The following EPHA5 variants were observed in gnomAD, a reference collection of about 807,000 sequenced individuals.
The protein encoded by EPHA5 is ephrin type-A receptor 5.
In EPHA5, 60 loss-of-function variants were observed where a neutral mutation model predicts 105.0. The observed-to-expected ratio is 0.57, with a 90% confidence interval of 0.46 to 0.71. The LOEUF is 0.71. EPHA5 is among the 30% of genes least tolerant of loss of function. The pLI is 0.00. For missense variants in EPHA5, 1,218 were observed against 1,274.7 expected, an observed-to-expected ratio of 0.96 and a Z score of 0.68; for synonymous variants, 513 against 449.1, an observed-to-expected ratio of 1.14 and a Z score of -1.80.
intron 8 of EPHA5, among the ~76,000 whole-genome samples, chr4:65,397,902 G>C (rs535866490): frequency 2.0e-5 from 3 of 152,258 alleles, no homozygotes; most frequent in African/African-American, 7.2e-5. Context: ...TCAGAGGGGG[G>C]ACTGATGGCA....
chr4:65,445,929 T>G (rs1726476166), intron 5 of EPHA5, among the ~76,000 whole-genome samples: 1 of 152,124 alleles, frequency 6.6e-6, no homozygotes. Context: ...AATTGAACAT[T>G]CAAAATATAC....
chr4:65,589,029 C>A (rs1742385488), intron 3 of EPHA5, among the ~76,000 whole-genome samples: 1 of 152,130 alleles, frequency 6.6e-6, no homozygotes, highest in East Asian at 1.9e-4. Context: ...AAGTGCTAAG[C>A]TTTATGAGCC....
intron 5 of EPHA5, among the ~76,000 whole-genome samples, chr4:65,484,900 G>A (rs1262749044): frequency 6.6e-6 from 1 of 151,966 alleles, no homozygotes; most frequent in African/African-American, 2.4e-5. Flanking sequence ...GTCTCTATCT[G>A]TATAGATAGA....
intron 7 of EPHA5, among the ~76,000 whole-genome samples, chr4:65,408,022 C>T (rs918090641): frequency 3.3e-5 from 5 of 152,116 alleles, no homozygotes; most frequent in Non-Finnish European, 7.3e-5. Context: ...ACCATAACCT[C>T]AGGTTTTAAT....
intron 7 of EPHA5, among the ~76,000 whole-genome samples, chr4:65,411,742 A>C (rs535487258): frequency 5.0e-4 from 76 of 152,328 alleles, no homozygotes; most frequent in African/African-American, 1.8e-3. Context: ...ATACTACAAA[A>C]ATACAATACA....
intron 5 of EPHA5, among the ~76,000 whole-genome samples, chr4:65,476,743 T>G (rs1729861272): frequency 6.6e-6 from 1 of 152,068 alleles, no homozygotes; most frequent in African/African-American, 2.4e-5. Context: ...AAATATAGTG[T>G]CTAAAGAAGA....
At chr4:65,469,928 A>C (rs529257362) in intron 5 of EPHA5, among the ~76,000 whole-genome samples, 2 of 152,278 alleles carry the variant, frequency 1.3e-5, no homozygotes, top group Middle Eastern at 6.8e-3. Flanking sequence ...ATAAAATAAA[A>C]GTTCATAGCC....
chr4:65,557,928 A>C lies in EPHA5; in HGVS notation c.910+43713T>G, dbSNP rs889059374. ...AGTCTAGCTCTGTCACCCAGGCTGGAGTGCAGTGATCTCAGCTCACTGCAA... is the reference window on the plus strand; with the variant it reads ...AGTCTAGCTCTGTCACCCAGGCTGGCGTGCAGTGATCTCAGCTCACTGCAA... On this transcript the variant is annotated intron_variant, in intron 3 of 16. Coordinates refer to ENST00000613740, the MANE Select transcript of EPHA5 (RefSeq NM_001281766.3). Among the ~76,000 whole-genome samples, 7 of 151,648 alleles carry C rather than the reference A, an allele frequency of 4.6e-5. No individual in the cohort carries two copies. In the East Asian group the frequency reaches 9.8e-4, roughly 21 times the overall value.
intron 8 of EPHA5, among the ~76,000 whole-genome samples, chr4:65,401,526 A>C (rs999435533): frequency 5.9e-5 from 9 of 152,132 alleles, no homozygotes; most frequent in African/African-American, 2.2e-4. Flanking sequence ...AAGTAATTAA[A>C]ATTTAATGCA....
chr4:65,650,856 A>G (rs1395299916), intron 1 of EPHA5, among the ~76,000 whole-genome samples: 114 of 152,260 alleles, frequency 7.5e-4, no homozygotes, highest in Non-Finnish European at 3.1e-4. Context: ...TAAACCACCA[A>G]TATAATCATG....
At chr4:65,605,060 C>T (rs1212173257) in intron 2 of EPHA5, among the ~76,000 whole-genome samples, 1 of 152,180 alleles carries the variant, frequency 6.6e-6, no homozygotes, top group African/African-American at 2.4e-5. Flanking sequence ...TGAGCCCATG[C>T]TTTCCTGTAC....
At chr4:65,356,587 T>C (rs1473351220) in intron 11 of EPHA5, among the ~76,000 whole-genome samples, 1 of 151,412 alleles carries the variant, frequency 6.6e-6, no homozygotes, top group Non-Finnish European at 1.5e-5. Context: ...ACAGTGTAGG[T>C]TGTGATGTGA....
chr4:65,563,363 T>C (rs969108814), intron 3 of EPHA5, among the ~76,000 whole-genome samples: 1 of 152,032 alleles, frequency 6.6e-6, no homozygotes, highest in South Asian at 2.1e-4. Context: ...AAGTAAAGCA[T>C]TCGAAATTAT....
chr4:65,599,510 A>C (rs1354071923), intron 3 of EPHA5, among the ~76,000 whole-genome samples: 1 of 152,142 alleles, frequency 6.6e-6, no homozygotes, highest in Non-Finnish European at 1.5e-5. Flanking sequence ...TTGTGTGTAG[A>C]ATAAATACTT....
Position 65,323,726 on chromosome 4 carries a change from A to G in EPHA5, c.*388T>C, listed in dbSNP as rs565108924. The G allele has an allele frequency of 5.2e-5, 12 of 231,576 alleles. No individual in the cohort carries two copies. The highest frequency in any genetic ancestry group is 2.6e-3 in the Middle Eastern group (2 of 776). The allele number at this position is 231,576 out of a possible 1,614,324, so 14.3% of individuals were successfully genotyped here. On this transcript the variant is annotated 3_prime_UTR_variant, in exon 17 of 17. Transcript: ENST00000613740. ...AGCTTTTGTTAGCTCACAAATGGCT[A>G]TAAAACATTTCCTTTCAAGTAGATC...
intron 14 of EPHA5, among the ~76,000 whole-genome samples, chr4:65,346,702 G>C (rs1333156615): frequency 1.3e-5 from 2 of 152,066 alleles, no homozygotes; most frequent in African/African-American, 4.8e-5. Context: ...AACATGCAGA[G>C]TGGGAGAAAA....
chr4:65,447,413 A>G (rs556913284), intron 5 of EPHA5, among the ~76,000 whole-genome samples: 8 of 151,802 alleles, frequency 5.3e-5, no homozygotes, highest in African/African-American at 1.9e-4. Flanking sequence ...CTACTCTGAA[A>G]AGAGGATTTG....
chr4:65,333,922 C>T (rs938459608), intron 15 of EPHA5, among the ~76,000 whole-genome samples: 2 of 151,710 alleles, frequency 1.3e-5, no homozygotes, highest in East Asian at 2.0e-4. Flanking sequence ...TCCACCTCTT[C>T]CCTGTCCTCA....
intron 2 of EPHA5, among the ~76,000 whole-genome samples, chr4:65,631,202 A>G (rs1746599949): frequency 6.6e-6 from 1 of 152,070 alleles, no homozygotes; most frequent in Non-Finnish European, 1.5e-5. Context: ...CCCTGCCTTC[A>G]CTGTGCATTT....
Sources: gnomAD v4.1 joint callset for allele counts (sites outside exome capture counted in the v4.1 genomes callset) on GRCh38, gnomAD v4.1.1 for gene constraint, MANE v1.5 for transcripts, NCBI Gene and HGNC (gene_info 2026-07-23, HGNC 2026-07-21) for gene names.